Variants in C1QTNF1 observed in about 807,000 individuals in gnomAD.
The protein encoded by C1QTNF1 is C1q and TNF related 1.
C1QTNF1 carries 22 observed loss-of-function variants against 27.8 expected under a neutral mutation model. The ratio of observed to expected loss-of-function variants is 0.79; its 90% CI spans 0.56 to 1.13. The LOEUF is 1.13. Among genes scored for constraint, C1QTNF1 ranks in the 50% most tolerant of loss-of-function variants. The probability of loss-of-function intolerance (pLI) is 0.00; values close to 1 mark genes in which losing one functional copy is unlikely to be tolerated. For missense variants in C1QTNF1, 373 were observed against 380.2 expected, an observed-to-expected ratio of 0.98 and a Z score of 0.16; for synonymous variants, 166 against 154.3, an observed-to-expected ratio of 1.08 and a Z score of -0.56.
chr17:79,026,616 G>A (rs909939280), intron 1 of C1QTNF1, among the ~76,000 whole-genome samples: 9 of 152,284 alleles, frequency 5.9e-5, no homozygotes, highest in Non-Finnish European at 1.0e-4. Flanking sequence ...TTCTCCTCCC[G>A]CCTCCCTCTC....
intron 1 of C1QTNF1, chr17:79,025,919 C>G (rs2071942398): frequency 2.3e-6 from 1 of 438,588 alleles, no homozygotes. Flanking sequence ...TCATCATCAT[C>G]ATGATGTCAG....
chr17:79,026,447 C>A lies in C1QTNF1; in HGVS notation c.-15+1953C>A, dbSNP rs1296563835. ...GGGATTACAGGGGTGAGCCACCGCG[C>A]CTGGCCTCCGGGGCGTATACTTTTA... On this transcript the variant is annotated intron_variant, in intron 1 of 3. Coordinates refer to ENST00000579760, the MANE Select transcript of C1QTNF1 (RefSeq NM_030968.5). 3.3e-5 allele frequency among the ~76,000 whole-genome samples: 5 copies of A among 152,338 alleles called. No individual in the cohort carries two copies. The South Asian group carries it at 6.2e-4, about 19-fold the overall frequency.
upstream of C1QTNF1, among the ~76,000 whole-genome samples, chr17:79,023,704 G>GCGCGCGCGCGCACACACACA: frequency 6.9e-6 from 1 of 145,030 alleles, no homozygotes; most frequent in East Asian, 2.2e-4. Context: ...GCGCGCGCGC[G>GCGCGCGCGCGCACACACACA]CACACACACA....
chr17:79,032,054 G>C (rs1480067783), intron 1 of C1QTNF1, among the ~76,000 whole-genome samples: 3 of 152,214 alleles, frequency 2.0e-5, no homozygotes, highest in Non-Finnish European at 4.4e-5. Context: ...GAGCCCTGTT[G>C]AGAGTTAGAC....
rs182924851 is a variant in C1QTNF1, at chr17:79,047,127, C to G, written c.296-411C>G. ...TGGAAACACTTGCAGCCTAGATCCC[C>G]AGCTGGCCCCGACATCTGGAGTTCA... On this transcript the variant is annotated intron_variant, in intron 3 of 3. Coordinates refer to ENST00000579760, the MANE Select transcript of C1QTNF1 (RefSeq NM_030968.5). 545 of 245,828 alleles carry G rather than the reference C, an allele frequency of 2.2e-3. 1 individual carries two copies. The highest frequency in any genetic ancestry group is 0.011 in the African/African-American group (507 of 44,744). The allele number at this position is 245,828 out of a possible 1,614,324, so 15.2% of individuals were successfully genotyped here.
intron 2 of C1QTNF1, 138 bp downstream of exon 2, chr17:79,044,261 A>ACCAGCCTCCAGCAG: frequency 5.9e-6 from 6 of 1,015,770 alleles, no homozygotes; most frequent in African/African-American, 1.6e-5. Context: ...GCCCTGCTGG[A>ACCAGCCTCCAGCAG]GGCTGGTCCT....
In C1QTNF1 at chr17:79,030,447, CTTCTTTCTTTCTTTTCTTTCTTTCTTTCT is replaced by C. The variant is rs1568060846; in HGVS notation, c.-15+5964_-15+5992del. Among the ~76,000 whole-genome samples the C allele has an allele frequency of 2.5e-4, 36 of 146,868 alleles. 1 individual carries two copies. Among genetic ancestry groups the C allele is most frequent in the African/African-American group, 8.8e-4 (35 of 39,962 alleles). On this transcript the variant is annotated intron_variant, in intron 1 of 3. Transcript: ENST00000579760. ...TGCTTTACAAACTTTCTCTCTCTTT[CTTCTTTCTTTCTTTTCTTTCTTTCTTTCT>C]TTCTTTCTTTTTCTTTCTTTCTTTC...
chr17:79,047,794 G>C lies in C1QTNF1; in HGVS notation c.552G>C (p.Lys184Asn), dbSNP rs2072630736. 1.9e-6 allele frequency: 3 copies of C among 1,614,086 alleles called. No homozygotes were observed. Among genetic ancestry groups the C allele is most frequent in the Non-Finnish European group, 2.5e-6 (3 of 1,180,042 alleles). The stretch of plus-strand genomic sequence containing the variant: ...ACCACTTCAACATGTTCACCGGCAA[G>C]TTCTACTGCTACGTGCCCGGCCTCT... ...LYDHFNMFTG[K>N]FYCYVPGLYF... The change falls in exon 4 of 4, where the codon AAG (lysine) becomes AAC (asparagine). Residue 184 changes from lysine (K) to asparagine (N), a missense_variant. By Grantham distance (94) the Lys-to-Asn change is moderately conservative. Coordinates refer to ENST00000579760, the MANE Select transcript of C1QTNF1 (RefSeq NM_030968.5).
Position 79,049,385 on chromosome 17 carries a change from G to A in C1QTNF1, c.*1297G>A, listed in dbSNP as rs1169500032. 5 of 152,370 alleles carry A rather than the reference G, an allele frequency of 3.3e-5. No individual in the cohort carries two copies. The highest frequency in any genetic ancestry group is 1.2e-4 in the African/African-American group (5 of 41,446). The allele number at this position is 152,370 out of a possible 1,614,324, so 9.4% of individuals were successfully genotyped here. A position where few individuals can be genotyped will look rare whatever the true frequency, so the allele number is the denominator to read the frequency against. On this transcript the variant is annotated 3_prime_UTR_variant, in exon 4 of 4. Transcript: ENST00000579760. This position sits in a 1 kb window ranked among gnomAD's most constrained non-coding sequence, Gnocchi z 4.4. Reference sequence around the variant, plus strand: ...TGGCAGGAGAGGCAATAGCCCCTGTGGCAATTGCAGGACCAGCTGGAGCAG... The same window carrying A: ...TGGCAGGAGAGGCAATAGCCCCTGTAGCAATTGCAGGACCAGCTGGAGCAG...
intron 1 of C1QTNF1, among the ~76,000 whole-genome samples, chr17:79,029,601 A>G (rs1324178505): frequency 6.6e-6 from 1 of 152,148 alleles, no homozygotes; most frequent in Non-Finnish European, 1.5e-5. Context: ...GGGTCCAGGA[A>G]CATGCTGGCC....
At chr17:79,030,566 T>C (rs2072114250) in intron 1 of C1QTNF1, among the ~76,000 whole-genome samples, 1 of 150,222 alleles carries the variant, frequency 6.7e-6, no homozygotes, top group South Asian at 2.1e-4. Context: ...TCTCTTTCTC[T>C]CTCTCTTTTC....
chr17:79,039,155 C>T (rs970336346), intron 1 of C1QTNF1, among the ~76,000 whole-genome samples: 1 of 152,184 alleles, frequency 6.6e-6, no homozygotes, highest in Non-Finnish European at 1.5e-5. Flanking sequence ...AACATAAAAA[C>T]AAATGCTGGT....
At chr17:79,044,289 T>G (rs996840405) in intron 2 of C1QTNF1, among the ~76,000 whole-genome samples, 166 bp downstream of exon 2, 3 of 152,126 alleles carry the variant, frequency 2.0e-5, no homozygotes, top group African/African-American at 4.8e-5. Flanking sequence ...AGACGAGCGA[T>G]TCCTCCTTTC....
chr17:79,035,024 A>C (rs1045574091), intron 1 of C1QTNF1, among the ~76,000 whole-genome samples: 1 of 152,172 alleles, frequency 6.6e-6, no homozygotes, highest in Non-Finnish European at 1.5e-5. Flanking sequence ...AGAGGTAAAC[A>C]CACATCACTC....
At chr17:79,029,652 C>T (rs893983678) in intron 1 of C1QTNF1, among the ~76,000 whole-genome samples, 2 of 152,202 alleles carry the variant, frequency 1.3e-5, no homozygotes, top group East Asian at 3.8e-4. Flanking sequence ...GACGGGGCTC[C>T]GTTTCCTTCT....
rs543005083 is a variant in C1QTNF1, at chr17:79,040,136, C to G, written c.-14-3819C>G. ...TCACCCACGGTCTGCTGAGTAGACT[C>G]TCATAGGCTAGACAAACTCTCTGCA... On this transcript the variant is annotated intron_variant, in intron 1 of 3. Transcript: ENST00000579760. Among the ~76,000 whole-genome samples, 8 of 152,280 alleles carry G rather than the reference C, an allele frequency of 5.3e-5. No individual in the cohort carries two copies. In the South Asian group the frequency reaches 6.2e-4, roughly 12 times the overall value.
Position 79,047,720 on chromosome 17 carries a change from CACT to C in C1QTNF1, c.484_486del (p.Tyr162del). On this transcript the variant is annotated inframe_deletion, in exon 4 of 4. Coordinates refer to ENST00000579760, the MANE Select transcript of C1QTNF1 (RefSeq NM_030968.5). ...CCGGAAGAAGCCCATGCACAGCAAC[CACT>C]ACTACCAGACGGTGATCTTCGACAC... The C allele has an allele frequency of 6.2e-7, 1 of 1,614,158 alleles. No homozygotes were observed. Among genetic ancestry groups the C allele is most frequent in the Non-Finnish European group, 8.5e-7 (1 of 1,180,022 alleles).
intron 1 of C1QTNF1, among the ~76,000 whole-genome samples, chr17:79,036,097 G>A (rs1297928924): frequency 6.6e-6 from 1 of 152,258 alleles, no homozygotes; most frequent in Non-Finnish European, 1.5e-5. Context: ...GAACAGAGCT[G>A]TCCAACAAAA....
At chr17:79,047,362 G>A (rs2072610750) in intron 3 of C1QTNF1, among the ~76,000 whole-genome samples, 176 bp from the exon 4 acceptor site, 1 of 150,988 alleles carries the variant, frequency 6.6e-6, no homozygotes, top group Non-Finnish European at 1.5e-5. Context: ...CAATACCTCT[G>A]TGCCAGGCTG....
Sources: gnomAD v4.1 joint callset for allele counts (sites outside exome capture counted in the v4.1 genomes callset) on GRCh38, gnomAD v4.1.1 for gene constraint, Gnocchi (gnomAD v3.1) non-coding constraint, MANE v1.5 for transcripts, NCBI Gene and HGNC (gene_info 2026-07-23, HGNC 2026-07-21) for gene names.